C9orf85: variants seen among roughly 807,000 people sequenced by gnomAD.
C9orf85 encodes uncharacterized protein C9orf85.
A neutral mutation model predicts 14.9 loss-of-function variants in C9orf85; 16 were observed. The observed-to-expected ratio is 1.08, with a 90% confidence interval of 0.73 to 1.63. The LOEUF (loss-of-function observed/expected upper bound fraction) is 1.63. C9orf85 is among the 40% of genes most tolerant of loss of function. C9orf85 has a pLI of 0.00. For synonymous variants in C9orf85, 45 were observed against 56.8 expected, an observed-to-expected ratio of 0.79 and a Z score of 0.93; for missense variants, 172 against 186.1, an observed-to-expected ratio of 0.92 and a Z score of 0.44.
intron 1 of C9orf85, among the ~76,000 whole-genome samples, chr9:71,922,132 G>A (rs902358624): frequency 2.6e-5 from 4 of 151,844 alleles, no homozygotes; most frequent in Non-Finnish European, 5.9e-5. Flanking sequence ...GTAGAGACAC[G>A]GTTTCACCAT....
At chr9:71,974,857 CTT>C (rs976513476), downstream of C9orf85, among the ~76,000 whole-genome samples, 3 of 152,148 alleles carry the variant, frequency 2.0e-5, no homozygotes, top group African/African-American at 7.2e-5. Context: ...AATAGTATCT[CTT>C]TGTCTTAATA....
intron 1 of C9orf85, among the ~76,000 whole-genome samples, chr9:71,930,182 G>A (rs1828037151): frequency 6.6e-6 from 1 of 151,914 alleles, no homozygotes; most frequent in Admixed American, 6.6e-5. Context: ...GAATGCTTTT[G>A]TCTGGACACC....
intron 1 of C9orf85, among the ~76,000 whole-genome samples, chr9:71,916,038 T>A (rs1161098834): frequency 1.3e-5 from 2 of 152,200 alleles, no homozygotes; most frequent in Non-Finnish European, 2.9e-5. Context: ...ACAGTCACAG[T>A]CTTAATTGAA....
intron 2 of C9orf85, among the ~76,000 whole-genome samples, chr9:71,953,726 T>C (rs1223132130): frequency 1.3e-5 from 2 of 152,124 alleles, no homozygotes; most frequent in East Asian, 1.9e-4. Flanking sequence ...CTCTTTTAAA[T>C]TGATCGTTGC....
At chr9:71,940,714 TATC>T (rs779868159) in intron 1 of C9orf85, among the ~76,000 whole-genome samples, 29 of 152,208 alleles carry the variant, frequency 1.9e-4, no homozygotes, top group Middle Eastern at 3.4e-3. Context: ...AACCCAAAAA[TATC>T]ATTCCTAGTA....
At chr9:71,914,321 T>C (rs942170933) in intron 1 of C9orf85, among the ~76,000 whole-genome samples, 2 of 151,866 alleles carry the variant, frequency 1.3e-5, no homozygotes, top group African/African-American at 4.9e-5. Context: ...TATGAGATTT[T>C]TTTGTGATTT....
chr9:71,956,406 C>T (rs1033734238), intron 2 of C9orf85, among the ~76,000 whole-genome samples: 5 of 151,888 alleles, frequency 3.3e-5, no homozygotes, highest in African/African-American at 9.7e-5. Context: ...TGCACCACCA[C>T]GCTCAGCTAA....
chr9:71,918,165 A>G (rs1258721137), intron 1 of C9orf85, among the ~76,000 whole-genome samples: 2 of 152,178 alleles, frequency 1.3e-5, no homozygotes, highest in African/African-American at 4.8e-5. Context: ...CCTGGGCCAC[A>G]GGGAGGGAAA....
intron 2 of C9orf85, among the ~76,000 whole-genome samples, chr9:71,965,398 G>T (rs972288759): frequency 8.4e-6 from 1 of 118,982 alleles, no homozygotes; most frequent in African/African-American, 3.3e-5. Context: ...GGGATTCTTA[G>T]TCAGCCTAGG....
At chr9:71,916,356 T>TA (rs1827650069) in intron 1 of C9orf85, among the ~76,000 whole-genome samples, 1 of 152,192 alleles carries the variant, frequency 6.6e-6, no homozygotes. Context: ...CAAGGTCATG[T>TA]ATCTTCTTCA....
At chr9:71,949,260 G>A (rs978251083) in intron 2 of C9orf85, among the ~76,000 whole-genome samples, 1 of 152,140 alleles carries the variant, frequency 6.6e-6, no homozygotes, top group Non-Finnish European at 1.5e-5. Flanking sequence ...TGTAACAAAG[G>A]AAATGATTTA....
At chr9:71,931,122 T>C (rs570227333) in intron 1 of C9orf85, among the ~76,000 whole-genome samples, 1 of 152,310 alleles carries the variant, frequency 6.6e-6, no homozygotes, top group South Asian at 2.1e-4. Context: ...TACAGTGCAG[T>C]ACCCATGTCA....
chr9:71,916,157 GTATC>G (rs1342811835), intron 1 of C9orf85, among the ~76,000 whole-genome samples: 1 of 152,140 alleles, frequency 6.6e-6, no homozygotes, highest in African/African-American at 2.4e-5. Flanking sequence ...AGCCCTGAGA[GTATC>G]TATAATAGCA....
chr9:71,945,465 A>G (rs568947691), intron 1 of C9orf85, among the ~76,000 whole-genome samples: 2 of 152,362 alleles, frequency 1.3e-5, no homozygotes, highest in South Asian at 4.1e-4. Context: ...TTTGTAAGTA[A>G]CAGAATGTAT....
At chr9:71,935,826 A>G (rs1392587434) in intron 1 of C9orf85, among the ~76,000 whole-genome samples, 1 of 152,064 alleles carries the variant, frequency 6.6e-6, no homozygotes, top group Non-Finnish European at 1.5e-5. Context: ...TACAATATGA[A>G]TGTATTTAAT....
chr9:71,937,945 T>C (rs1245621405), intron 1 of C9orf85, among the ~76,000 whole-genome samples: 1 of 152,148 alleles, frequency 6.6e-6, no homozygotes, highest in African/African-American at 2.4e-5. Context: ...TAAAAAGAAG[T>C]AAGCTAGTAA....
intron 2 of C9orf85, among the ~76,000 whole-genome samples, chr9:71,959,512 A>G (rs1033107602): frequency 2.6e-5 from 4 of 152,208 alleles, no homozygotes; most frequent in Non-Finnish European, 5.9e-5. Flanking sequence ...AAGAACAGAT[A>G]AGGAGGTAGC....
At chr9:71,943,217 G>A (rs1821985047) in intron 1 of C9orf85, among the ~76,000 whole-genome samples, 2 of 151,018 alleles carry the variant, frequency 1.3e-5, no homozygotes, top group African/African-American at 4.9e-5. Context: ...AATTGGCATT[G>A]GCATTTTTCT....
intron 2 of C9orf85, among the ~76,000 whole-genome samples, chr9:71,963,136 G>T (rs192198219): frequency 2.2e-4 from 34 of 152,310 alleles, no homozygotes; most frequent in Non-Finnish European, 4.3e-4. Context: ...AACTGGGGTT[G>T]TGGAAGGGAT....
Sources: gnomAD v4.1 joint callset for allele counts (sites outside exome capture counted in the v4.1 genomes callset) on GRCh38, gnomAD v4.1.1 for gene constraint, MANE v1.5 for transcripts, NCBI Gene and HGNC (gene_info 2026-07-23, HGNC 2026-07-21) for gene names.